RGR: variants seen among roughly 807,000 people sequenced by gnomAD.
The protein encoded by RGR is retinal G protein coupled receptor, also known as RPE-retinal G protein-coupled receptor.
In RGR, 30 loss-of-function variants were observed where a neutral mutation model predicts 28.6. That is an observed-to-expected ratio of 1.05 (90% CI 0.78 to 1.42). The LOEUF (loss-of-function observed/expected upper bound fraction) is 1.42, where lower values mean the gene tolerates loss of function less well. RGR is among the 40% of genes most tolerant of loss of function. The pLI is 0.00. For synonymous variants in RGR, 180 were observed against 156.4 expected (o/e 1.15, Z -1.13); for missense variants, 404 against 375.6 (o/e 1.08, Z -0.62).
At chr10:84,257,784 C>T (rs1025006262) in intron 5 of RGR, 109 bp from the exon 6 acceptor site, 5 of 847,060 alleles carry the variant, frequency 5.9e-6, no homozygotes, top group Admixed American at 5.8e-5. Context: ...CTCCTGAAGC[C>T]TGGTCCATGC....
chr10:84,254,399 TAC>T lies in RGR; in HGVS notation c.588_589del (p.Tyr196Ter). ...GCCCCTCTTCATCACGATCACTTCC[TAC>T]AGTCTCATGGAGCAGAAACTGGGGA... ...AMPLFITITS[Y>X]SLMEQKLGKS... is the part of the protein sequence containing the mutation. On this transcript the variant is annotated frameshift_variant, in exon 5 of 7. Transcript: ENST00000652092. LOFTEE classifies it high-confidence loss of function. The T allele has an allele frequency of 6.2e-7, 1 of 1,614,172 alleles. No homozygotes were observed. Among genetic ancestry groups the T allele is most frequent in the Non-Finnish European group, 8.5e-7 (1 of 1,180,028 alleles).
In RGR at chr10:84,258,680, C is replaced by T; in HGVS notation, c.*41C>T. 6.2e-7 allele frequency: 1 copy of T among 1,612,996 alleles called. No individual in the cohort carries two copies. The highest frequency in any genetic ancestry group is 8.5e-7 in the Non-Finnish European group (1 of 1,179,650). Reference sequence around the variant, plus strand: ...GTGAGCCCCAGGCCAGGAGGCTGTTCCAGGAGTCCTGCCCAGCAGCCTCAG... The same window carrying T: ...GTGAGCCCCAGGCCAGGAGGCTGTTTCAGGAGTCCTGCCCAGCAGCCTCAG... On this transcript the variant is annotated 3_prime_UTR_variant, in exon 7 of 7. Transcript: ENST00000652092.
chr10:84,258,422 TG>T, intron 6 of RGR, 85 bp from the exon 7 acceptor site: 2 of 1,601,842 alleles, frequency 1.2e-6, no homozygotes, highest in Non-Finnish European at 1.7e-6. Flanking sequence ...CAGTTGTAGG[TG>T]GAGGGTGACC....
chr10:84,252,205 C>A (rs776678819), intron 3 of RGR, among the ~76,000 whole-genome samples: 15 of 152,180 alleles, frequency 9.9e-5, no homozygotes, highest in Non-Finnish European at 2.2e-4. Context: ...CCAGCCTCTG[C>A]CATTGGCACT....
chr10:84,255,639 C>A (rs565104388), intron 5 of RGR, among the ~76,000 whole-genome samples: 1 of 149,912 alleles, frequency 6.7e-6, no homozygotes, highest in East Asian at 2.0e-4. Context: ...GGAGTCGTAA[C>A]AAGCAACAAA....
In RGR at chr10:84,256,984, G is replaced by GT. The variant is rs1019095648; in HGVS notation, c.631-900dup. On this transcript the variant is annotated intron_variant, in intron 5 of 6. Transcript: ENST00000652092. ...AGGTGCTGAGCTCCGTTGTTCGTGG[G>GT]TTTTTTTTTCCCCAAATAAGGGACA... 6.4e-3 allele frequency among the ~76,000 whole-genome samples: 975 copies of GT among 151,752 alleles called. 9 individuals carry two copies. The highest frequency in any genetic ancestry group is 0.028 in the Middle Eastern group (8 of 288).
intron 3 of RGR, among the ~76,000 whole-genome samples, chr10:84,251,520 A>G (rs1842818238): frequency 6.6e-6 from 1 of 152,200 alleles, no homozygotes; most frequent in Non-Finnish European, 1.5e-5. Flanking sequence ...CTCACATTAA[A>G]AGAGAGAGAT....
At position 84,247,594 on chromosome 10, in the gene RGR, T is replaced by A; in HGVS notation, c.83T>A (p.Leu28His). Reference protein sequence around the residue: ...AVGMVLLVEALSGLSLNTLTI... With the variant: ...AVGMVLLVEAHSGLSLNTLTI... ...CAGCCCCCACCCTTCCTTTCAGCTCTCTCCGGTCTCAGCCTCAATACCCTG... is the reference window on the plus strand; with the variant it reads ...CAGCCCCCACCCTTCCTTTCAGCTCACTCCGGTCTCAGCCTCAATACCCTG... The change falls in exon 2 of 7, where the codon CTC becomes CAC. Residue 28 changes from leucine (L) to histidine (H), a missense_variant. Coordinates refer to ENST00000652092, the MANE Select transcript of RGR (RefSeq NM_001012720.2). 1 of 1,614,142 alleles carries A rather than the reference T, an allele frequency of 6.2e-7. No individual in the cohort carries two copies. Among genetic ancestry groups the A allele is most frequent in the Non-Finnish European group, 8.5e-7 (1 of 1,180,024 alleles).
chr10:84,245,604 C>T (rs563720233), intron 1 of RGR, among the ~76,000 whole-genome samples: 81 of 152,296 alleles, frequency 5.3e-4, no homozygotes, highest in African/African-American at 1.9e-3. Flanking sequence ...AACCAAGTCC[C>T]TTCAGCTCTC....
In RGR at chr10:84,254,175, T is replaced by G. The variant is rs137969765; in HGVS notation, c.513-151T>G. 10 of 733,808 alleles carry G rather than the reference T, an allele frequency of 1.4e-5. No homozygotes were observed. In the East Asian group the frequency reaches 2.6e-4, roughly 19 times the overall value. The allele number at this position is 733,808 out of a possible 1,614,324, so 45.5% of individuals were successfully genotyped here. On this transcript the variant is annotated intron_variant, in intron 4 of 6. Transcript: ENST00000652092. ...TAGCTCCCTGGCTCCTAAAGGGAGTTCACCTGGGACCCGGGAGCAACCACA... is the reference window on the plus strand; with the variant it reads ...TAGCTCCCTGGCTCCTAAAGGGAGTGCACCTGGGACCCGGGAGCAACCACA...
rs1842762987 is a variant in RGR at position 84,247,623 on chromosome 10, ATCT to A, written c.116_118del (p.Phe39del). The A allele has an allele frequency of 6.2e-7, 1 of 1,613,926 alleles. No individual in the cohort carries two copies. The highest frequency in any genetic ancestry group is 1.3e-5 in the African/African-American group (1 of 74,952). ...CGGTCTCAGCCTCAATACCCTGACC[ATCT>A]TCTCTTTCTGCAAGACCCCGGAGCT... On this transcript the variant is annotated inframe_deletion, in exon 2 of 7. Coordinates refer to ENST00000652092, the MANE Select transcript of RGR (RefSeq NM_001012720.2).
Position 84,258,646 on chromosome 10 carries a change from C to T in RGR, c.*7C>T, listed in dbSNP as rs1842919036. On this transcript the variant is annotated 3_prime_UTR_variant, in exon 7 of 7. Coordinates refer to ENST00000652092, the MANE Select transcript of RGR (RefSeq NM_001012720.2). ...GAAGGACCGAACCAAGTGAGCCTGC[C>T]ACCCTGGAGTGAGCCCCAGGCCAGG... is the stretch of plus-strand genomic sequence containing the variant. 1.2e-6 allele frequency: 2 copies of T among 1,613,940 alleles called. No homozygotes were observed. Among genetic ancestry groups the T allele is most frequent in the Non-Finnish European group, 1.7e-6 (2 of 1,179,986 alleles).
chr10:84,254,924 A>G (rs1254493655), intron 5 of RGR, among the ~76,000 whole-genome samples: 1 of 152,190 alleles, frequency 6.6e-6, no homozygotes, highest in East Asian at 1.9e-4. Context: ...TGCCCCTGAC[A>G]GGTTTGGTCC....
intron 3 of RGR, 52 bp downstream of exon 3, chr10:84,249,095 A>T (rs753320410): frequency 1.2e-6 from 2 of 1,607,294 alleles, no homozygotes; most frequent in South Asian, 2.2e-5. Flanking sequence ...TGTGGAGAGG[A>T]TAAGAGGCAG....
rs552547432 is a variant in RGR at position 84,247,599 on chromosome 10, G to A, written c.88G>A (p.Gly30Ser). ...GMVLLVEALSGLSLNTLTIFS... is the reference protein window; with the variant it reads ...GMVLLVEALSSLSLNTLTIFS... ...CCCACCCTTCCTTTCAGCTCTCTCC[G>A]GTCTCAGCCTCAATACCCTGACCAT... The change falls in exon 2 of 7, where the codon GGT becomes AGT. Residue 30 changes from glycine (G) to serine (S), a missense_variant. Coordinates refer to ENST00000652092, the MANE Select transcript of RGR (RefSeq NM_001012720.2). 6.3e-5 allele frequency: 101 copies of A among 1,613,892 alleles called. 1 individual carries two copies. Among genetic ancestry groups the A allele is most frequent in the Non-Finnish European group, 6.9e-5 (81 of 1,180,034 alleles).
chr10:84,252,607 G>C (rs1018711984), intron 3 of RGR, among the ~76,000 whole-genome samples: 4 of 152,134 alleles, frequency 2.6e-5, no homozygotes, highest in African/African-American at 9.7e-5. Flanking sequence ...TCAGAGCTGG[G>C]GTTCTCATTT....
chr10:84,248,769 G>A, intron 2 of RGR, 153 bp from the exon 3 acceptor site: 1 of 1,403,230 alleles, frequency 7.1e-7, no homozygotes, highest in Non-Finnish European at 9.9e-7. Context: ...AGTTACTTGA[G>A]CTCCAACGCC....
chr10:84,256,683 G>A (rs146418998), intron 5 of RGR, among the ~76,000 whole-genome samples: 1 of 152,292 alleles, frequency 6.6e-6, no homozygotes, highest in Non-Finnish European at 1.5e-5. Context: ...TGGCATAGGC[G>A]CCGCTTCTAG....
At position 84,252,858 on chromosome 10, in the gene RGR, T is replaced by C; in HGVS notation, c.360T>C (p.Arg120=). Residue 120 remains arginine (R), a splice_region_variant and synonymous_variant, in exon 4 of 7, where the codon CGT becomes CGC. Transcript: ENST00000652092. ...CTCTTCTTCCTCTGTCCTGTGCAGG[T>C]AGCCAGCTGGCCTGGAACTCAGCCG... ...AWGRYHHYCT[R]SQLAWNSAVS... is the part of the protein sequence containing the mutation. The C allele has an allele frequency of 6.2e-7, 1 of 1,614,138 alleles. No homozygotes were observed. The highest frequency in any genetic ancestry group is 8.5e-7 in the Non-Finnish European group (1 of 1,180,036).
Sources: gnomAD v4.1 joint callset for allele counts (sites outside exome capture counted in the v4.1 genomes callset) on GRCh38, gnomAD v4.1.1 for gene constraint, MANE v1.5 for transcripts, NCBI Gene and HGNC (gene_info 2026-07-23, HGNC 2026-07-21) for gene names.